The following UNC5D variants were observed in gnomAD, a reference collection of about 807,000 sequenced individuals.
The protein encoded by UNC5D is unc-5 netrin receptor D.
Under a neutral mutation model 105.4 loss-of-function variants are expected in UNC5D, and 39 were observed. The ratio of observed to expected loss-of-function variants is 0.37; its 90% confidence interval spans 0.29 to 0.48. The LOEUF is 0.48. UNC5D is among the 20% of genes least tolerant of loss of function. The probability of loss-of-function intolerance (pLI) is 0.98; values close to 1 mark genes in which losing one functional copy is unlikely to be tolerated. For missense variants in UNC5D, 991 were observed against 1,202.4 expected, an observed-to-expected ratio of 0.82 and a Z score of 2.60; for synonymous variants, 452 against 450.4, an observed-to-expected ratio of 1.00 and a Z score of -0.04.
intron 1 of UNC5D, among the ~76,000 whole-genome samples, chr8:35,478,911 G>T (rs1810294537): frequency 6.6e-6 from 1 of 152,066 alleles, no homozygotes; most frequent in South Asian, 2.1e-4. Flanking sequence ...TTCAAACTAG[G>T]CATTGTAGAA....
chr8:35,427,379 C>T (rs1382996609), intron 1 of UNC5D, among the ~76,000 whole-genome samples: 1 of 152,186 alleles, frequency 6.6e-6, no homozygotes, highest in Non-Finnish European at 1.5e-5. Context: ...TGGCATCTTG[C>T]TAGATGGGAA....
intron 2 of UNC5D, among the ~76,000 whole-genome samples, chr8:35,551,541 CG>C (rs568530711): frequency 6.6e-6 from 1 of 152,038 alleles, no homozygotes; most frequent in Non-Finnish European, 1.5e-5. Flanking sequence ...CCAGGGGAGC[CG>C]GGTGCGGTGG....
At chr8:35,345,267 C>T (rs1811725679) in intron 1 of UNC5D, among the ~76,000 whole-genome samples, 1 of 151,878 alleles carries the variant, frequency 6.6e-6, no homozygotes, top group South Asian at 2.1e-4. Flanking sequence ...TAATGATTTT[C>T]TTCTAGAATT....
chr8:35,330,062 G>A (rs899705944), intron 1 of UNC5D, among the ~76,000 whole-genome samples: 6 of 152,162 alleles, frequency 3.9e-5, no homozygotes, highest in African/African-American at 1.2e-4. Context: ...TAATTGGAAA[G>A]GCAGTAACTT....
At chr8:35,693,993 C>A (rs902747932) in intron 7 of UNC5D, among the ~76,000 whole-genome samples, 1 of 151,572 alleles carries the variant, frequency 6.6e-6, no homozygotes, top group Non-Finnish European at 1.5e-5. Flanking sequence ...ACTTAGAGAG[C>A]GAGGAAAAAA....
intron 4 of UNC5D, among the ~76,000 whole-genome samples, chr8:35,649,724 TAA>T (rs1307729869): frequency 1.3e-5 from 2 of 152,302 alleles, no homozygotes; most frequent in East Asian, 3.9e-4. Flanking sequence ...TACATATTTG[TAA>T]ACTTAGTCTA....
intron 1 of UNC5D, among the ~76,000 whole-genome samples, chr8:35,291,217 T>C (rs1013905382): frequency 1.3e-5 from 2 of 152,002 alleles, no homozygotes; most frequent in Non-Finnish European, 2.9e-5. Context: ...CTCATATTAC[T>C]AGTAAGGAAA....
chr8:35,476,165 G>A (rs766626764), intron 1 of UNC5D, among the ~76,000 whole-genome samples: 53 of 152,034 alleles, frequency 3.5e-4, no homozygotes, highest in Non-Finnish European at 6.8e-4. Context: ...GTTGGGTTAG[G>A]GCCATTATTT....
At chr8:35,474,468 A>C (rs982889175) in intron 1 of UNC5D, among the ~76,000 whole-genome samples, 1 of 152,226 alleles carries the variant, frequency 6.6e-6, no homozygotes, top group African/African-American at 2.4e-5. Context: ...AGACCATTTG[A>C]GATACGATGT....
intron 1 of UNC5D, among the ~76,000 whole-genome samples, chr8:35,305,387 C>G (rs2128873855): frequency 6.6e-6 from 1 of 151,868 alleles, no homozygotes; most frequent in East Asian, 1.9e-4. Flanking sequence ...AGATGGGGTT[C>G]AAAAAACAGA....
chr8:35,570,246 C>T (rs1383213364), intron 3 of UNC5D, among the ~76,000 whole-genome samples: 1 of 152,150 alleles, frequency 6.6e-6, no homozygotes, highest in Non-Finnish European at 1.5e-5. Context: ...TTCACACATG[C>T]GTCGCATGGG....
chr8:35,763,446 C>CT (rs201449850), intron 14 of UNC5D, among the ~76,000 whole-genome samples: 2,741 of 124,684 alleles, frequency 0.022, 46 homozygotes, highest in Non-Finnish European at 0.03. Flanking sequence ...TGGTCAGTGC[C>CT]TTTTTTTTTT....
At chr8:35,647,318 C>A (rs1278881862) in intron 4 of UNC5D, among the ~76,000 whole-genome samples, 1 of 151,642 alleles carries the variant, frequency 6.6e-6, no homozygotes, top group Non-Finnish European at 1.5e-5. Flanking sequence ...CAATTTATTT[C>A]TTTAGGCTAT....
At chr8:35,295,865 C>G (rs1298218284) in intron 1 of UNC5D, among the ~76,000 whole-genome samples, 1 of 152,080 alleles carries the variant, frequency 6.6e-6, no homozygotes, top group African/African-American at 2.4e-5. Flanking sequence ...ATCACCATTC[C>G]TCTCTCTGTT....
intron 2 of UNC5D, among the ~76,000 whole-genome samples, chr8:35,565,730 T>C (rs962113747): frequency 5.3e-5 from 8 of 152,204 alleles, no homozygotes; most frequent in Admixed American, 2.6e-4. Context: ...TTAATCCAAT[T>C]TGAGTTAATT....
chr8:35,497,510 C>T (rs771351190), intron 1 of UNC5D, among the ~76,000 whole-genome samples: 9 of 151,988 alleles, frequency 5.9e-5, no homozygotes, highest in Admixed American at 3.3e-4. Flanking sequence ...TGAGGTGTAG[C>T]GCCAGAAGAG....
At chr8:35,590,621 G>A (rs1819107594) in intron 3 of UNC5D, among the ~76,000 whole-genome samples, 1 of 152,050 alleles carries the variant, frequency 6.6e-6, no homozygotes, top group Admixed American at 6.6e-5. Context: ...AAGGCTTTAG[G>A]ATCTAGTAAT....
At chr8:35,247,579 A>AATTT (rs562119577) in intron 1 of UNC5D, among the ~76,000 whole-genome samples, 39 of 107,886 alleles carry the variant, frequency 3.6e-4, no homozygotes, top group African/African-American at 1.4e-3. Flanking sequence ...ATATGTATAA[A>AATTT]ATATATAAAA....
At chr8:35,728,601 T>C (rs1829021200) in intron 10 of UNC5D, among the ~76,000 whole-genome samples, 1 of 152,208 alleles carries the variant, frequency 6.6e-6, no homozygotes, top group Admixed American at 6.5e-5. Flanking sequence ...TATGCTCTGT[T>C]ATTTGCAGGA....
Sources: allele counts gnomAD v4.1 joint callset (sites outside exome capture counted in the v4.1 genomes callset), GRCh38; gene constraint gnomAD v4.1.1; transcripts MANE v1.5; gene names NCBI Gene and HGNC (gene_info 2026-07-23, HGNC 2026-07-21).